Variants in CNTNAP2 observed in about 807,000 individuals in gnomAD.
CNTNAP2 encodes the protein contactin-associated protein-like 2.
In CNTNAP2, 98 loss-of-function variants were observed where a neutral mutation model predicts 155.2. The observed-to-expected ratio is 0.63, with a 90% CI of 0.54 to 0.75. CNTNAP2 has a LOEUF of 0.75. CNTNAP2 is among the 30% of genes least tolerant of loss of function. The pLI is 0.00. For missense variants in CNTNAP2, 1,727 were observed against 1,688.1 expected (o/e 1.02, Z -0.40); for synonymous variants, 651 against 631.2 (o/e 1.03, Z -0.47).
At chr7:146,245,891 T>C (rs550902690) in intron 1 of CNTNAP2, among the ~76,000 whole-genome samples, 198 of 130,878 alleles carry the variant, frequency 1.5e-3, no homozygotes, top group African/African-American at 8.2e-3. Context: ...GAATAATGGA[T>C]TGTGGAGGGA....
intron 1 of CNTNAP2, among the ~76,000 whole-genome samples, chr7:146,149,402 A>G (rs1014011420): frequency 6.6e-6 from 1 of 152,138 alleles, no homozygotes; most frequent in Non-Finnish European, 1.5e-5. Context: ...AAATTAATCC[A>G]TGAATATTGC....
At position 147,850,087 on chromosome 7, in the gene CNTNAP2, C is replaced by CAAGGA. The variant is rs1435486570; in HGVS notation, c.2099-53475_2099-53474insGAAAG. 2.0e-5 allele frequency: 3 copies of CAAGGA among 152,148 alleles called. No homozygotes were observed. The East Asian group carries it at 5.8e-4, about 29-fold the overall frequency. 9.4% of individuals were successfully genotyped at this position (152,148 alleles called of 1,614,324 possible). On this transcript the variant is annotated intron_variant, in intron 13 of 23. Transcript: ENST00000361727. ...AAAGAGGCAACATTTTAAGACCATTCAAGATTAACCTTTACTTGAGCAAAA... is the reference window on the plus strand; with the variant it reads ...AAAGAGGCAACATTTTAAGACCATTCAAGGAAAGATTAACCTTTACTTGAGCAAAA...
chr7:148,416,461 T>G lies in CNTNAP2; in HGVS notation c.*845T>G, dbSNP rs1235288713. 1 of 146,386 alleles carries G rather than the reference T, an allele frequency of 6.8e-6. No individual in the cohort carries two copies. Among genetic ancestry groups the G allele is most frequent in the African/African-American group, 2.7e-5 (1 of 36,502 alleles). 9.1% of individuals were successfully genotyped at this position (146,386 alleles called of 1,614,324 possible). On this transcript the variant is annotated 3_prime_UTR_variant, in exon 24 of 24. Coordinates refer to ENST00000361727, the MANE Select transcript of CNTNAP2 (RefSeq NM_014141.6). ...CTGTTTTATCTGAAACATACTGGAT[T>G]TATATATGTATAAGCGCCTCAATGG...
intron 1 of CNTNAP2, among the ~76,000 whole-genome samples, chr7:146,501,136 A>G (rs914330216): frequency 6.6e-6 from 1 of 151,752 alleles, no homozygotes; most frequent in Non-Finnish European, 1.5e-5. Context: ...ATTTTTGTTG[A>G]GGATTTTTAC....
At chr7:147,742,579 A>G (rs1023113992) in intron 13 of CNTNAP2, among the ~76,000 whole-genome samples, 27 of 152,206 alleles carry the variant, frequency 1.8e-4, no homozygotes, top group African/African-American at 5.8e-4. Flanking sequence ...TAATGCAACT[A>G]TAAATTCCCA....
chr7:146,343,507 A>G (rs548807406), intron 1 of CNTNAP2, among the ~76,000 whole-genome samples: 22 of 152,326 alleles, frequency 1.4e-4, no homozygotes, highest in African/African-American at 4.8e-4. Flanking sequence ...ATCTGTGCAA[A>G]CTAAAGTATA....
chr7:147,272,667 T>A (rs1420053085), intron 8 of CNTNAP2, among the ~76,000 whole-genome samples: 4 of 150,356 alleles, frequency 2.7e-5, no homozygotes, highest in Non-Finnish European at 5.9e-5. Flanking sequence ...CCGGCTAATT[T>A]TTTTTTTTTT....
At chr7:147,497,627 A>G (rs897571085) in intron 11 of CNTNAP2, among the ~76,000 whole-genome samples, 2 of 152,196 alleles carry the variant, frequency 1.3e-5, no homozygotes, top group African/African-American at 4.8e-5. Flanking sequence ...GAGCTCTAGA[A>G]AAGCCTGTGT....
chr7:147,085,459 C>T (rs1395666636), intron 4 of CNTNAP2, among the ~76,000 whole-genome samples: 2 of 152,152 alleles, frequency 1.3e-5, no homozygotes, highest in Non-Finnish European at 2.9e-5. Context: ...AGGATGAACA[C>T]TCATGAGAAT....
At chr7:147,767,234 T>A (rs558419407) in intron 13 of CNTNAP2, among the ~76,000 whole-genome samples, 27 of 152,190 alleles carry the variant, frequency 1.8e-4, no homozygotes, top group African/African-American at 6.5e-4. Flanking sequence ...ATTTTCACTG[T>A]ACTACCTAAA....
chr7:147,529,661 A>G (rs1799395629), intron 11 of CNTNAP2, among the ~76,000 whole-genome samples: 1 of 152,206 alleles, frequency 6.6e-6, no homozygotes, highest in East Asian at 1.9e-4. Context: ...GAGGCTTAAT[A>G]AAATAAAAGC....
At chr7:147,464,961 G>A (rs1200832844) in intron 10 of CNTNAP2, among the ~76,000 whole-genome samples, 1 of 152,132 alleles carries the variant, frequency 6.6e-6, no homozygotes, top group Non-Finnish European at 1.5e-5. Flanking sequence ...TATACACCAT[G>A]AAAAACTATG....
intron 1 of CNTNAP2, among the ~76,000 whole-genome samples, chr7:146,657,735 G>C (rs1333156953): frequency 1.3e-5 from 2 of 151,998 alleles, no homozygotes; most frequent in Non-Finnish European, 2.9e-5. Flanking sequence ...GGACTTCCAT[G>C]AACCATATAT....
intron 1 of CNTNAP2, among the ~76,000 whole-genome samples, chr7:146,561,510 T>A (rs1161406463): frequency 6.6e-6 from 1 of 151,882 alleles, no homozygotes; most frequent in Non-Finnish European, 1.5e-5. Context: ...GAAAAAAAAA[T>A]TAGCAGGGCG....
At chr7:148,123,638 A>AG in intron 16 of CNTNAP2, among the ~76,000 whole-genome samples, 2 of 28,004 alleles carry the variant, frequency 7.1e-5, no homozygotes, top group African/African-American at 2.5e-4. Flanking sequence ...GAGAGCAGGA[A>AG]GGAAGGAAGG....
intron 15 of CNTNAP2, among the ~76,000 whole-genome samples, chr7:148,029,045 C>A (rs1000915531): frequency 6.6e-6 from 1 of 152,134 alleles, no homozygotes; most frequent in African/African-American, 2.4e-5. Context: ...TCATTATTTT[C>A]AGGCAGCCAT....
At position 146,278,495 on chromosome 7, in the gene CNTNAP2, A is replaced by G. The variant is rs118116132; in HGVS notation, c.97+161522A>G. ...CTATAAAATAGTAATGTTCTATCAG[A>G]CTCCCACTCACTAAAAAAATGAAAA... On this transcript the variant is annotated intron_variant, in intron 1 of 23. Coordinates refer to ENST00000361727, the MANE Select transcript of CNTNAP2 (RefSeq NM_014141.6). Among the ~76,000 whole-genome samples, 127 of 152,126 alleles carry G rather than the reference A, an allele frequency of 8.3e-4. No homozygotes were observed. In the East Asian group the frequency reaches 0.016, roughly 19 times the overall value.
intron 10 of CNTNAP2, among the ~76,000 whole-genome samples, chr7:147,480,931 C>T (rs752471948): frequency 3.3e-5 from 5 of 152,112 alleles, no homozygotes; most frequent in Non-Finnish European, 7.4e-5. Flanking sequence ...CAAGAGATTC[C>T]TATGCACACA....
intron 2 of CNTNAP2, among the ~76,000 whole-genome samples, chr7:146,794,448 A>G (rs911641616): frequency 1.3e-5 from 2 of 152,224 alleles, no homozygotes; most frequent in African/African-American, 4.8e-5. Flanking sequence ...CTCATTAAAA[A>G]TAAAAATCAT....
Sources: gnomAD v4.1 joint callset for allele counts (sites outside exome capture counted in the v4.1 genomes callset) on GRCh38, gnomAD v4.1.1 for gene constraint, MANE v1.5 for transcripts, NCBI Gene and HGNC (gene_info 2026-07-23, HGNC 2026-07-21) for gene names.